The following ACTR3 variants were observed in gnomAD, a reference collection of about 807,000 sequenced individuals.
ACTR3 encodes the protein actin related protein 3.
In ACTR3, 12 loss-of-function variants were observed where a neutral mutation model predicts 56.8. The ratio of observed to expected loss-of-function variants is 0.21; its 90% CI spans 0.14 to 0.34. The LOEUF (loss-of-function observed/expected upper bound fraction) is 0.34, where lower values mean the gene tolerates loss of function less well. Among genes scored for constraint, ACTR3 ranks in the 10% least tolerant of loss-of-function variants. ACTR3 has a pLI of 1.00. For missense variants in ACTR3, 282 were observed against 512.5 expected, an observed-to-expected ratio of 0.55 and a Z score of 4.34; for synonymous variants, 162 against 167.4, an observed-to-expected ratio of 0.97 and a Z score of 0.25.
chr2:113,923,345 TGTTTG>T (rs766094551), intron 3 of ACTR3, among the ~76,000 whole-genome samples: 4 of 60,728 alleles, frequency 6.6e-5, no homozygotes, highest in African/African-American at 1.2e-4. Flanking sequence ...TTTGTTTGTT[TGTTTG>T]TTTTTGAGAC....
intron 6 of ACTR3, among the ~76,000 whole-genome samples, chr2:113,939,660 C>T (rs1679890009): frequency 6.6e-6 from 1 of 151,994 alleles, no homozygotes; most frequent in Non-Finnish European, 1.5e-5. Flanking sequence ...AAAATAGTAC[C>T]ATCTGATATA....
At position 113,962,043 on chromosome 2, in the gene ACTR3, A is replaced by T. The variant is rs1228426451; in HGVS notation, c.*4588A>T. 6.6e-6 allele frequency: 1 copy of T among 152,036 alleles called. No individual in the cohort carries two copies. Among genetic ancestry groups the T allele is most frequent in the Non-Finnish European group, 1.5e-5 (1 of 67,918 alleles). The allele number at this position is 152,036 out of a possible 1,614,324, so 9.4% of individuals were successfully genotyped here. On this transcript the variant is annotated 3_prime_UTR_variant, in exon 12 of 12. Transcript: ENST00000263238. ...AGTGGATGTGTTTGATGAATGAATG[A>T]GTAAAAATTATTTTTCATGTTAAAA...
intron 1 of ACTR3, among the ~76,000 whole-genome samples, chr2:113,907,395 G>A (rs892665866): frequency 6.6e-6 from 1 of 152,126 alleles, no homozygotes; most frequent in Non-Finnish European, 1.5e-5. Flanking sequence ...AGGACTACAG[G>A]TGTGAGCTGC....
chr2:113,931,387 T>C lies in ACTR3; in HGVS notation c.423T>C (p.Ile141=), dbSNP rs374819129. 3 of 1,581,264 alleles carry C rather than the reference T, an allele frequency of 1.9e-6. No individual in the cohort carries two copies. Among genetic ancestry groups the C allele is most frequent in the Non-Finnish European group, 2.6e-6 (3 of 1,165,008 alleles). The change falls in exon 5 of 12, where the codon ATT becomes ATC. Residue 141 remains isoleucine (I), a synonymous_variant. Transcript: ENST00000263238. Reference sequence around the variant, plus strand: ...CCTTCAATGTTCCAGGCTTGTACATTGCTGTGCAGGTAAGCAAGTTCATAC... The same window carrying C: ...CCTTCAATGTTCCAGGCTTGTACATCGCTGTGCAGGTAAGCAAGTTCATAC... ...FESFNVPGLY[I]AVQAVLALAA...
chr2:113,940,668 T>C (rs1027695234), intron 7 of ACTR3, among the ~76,000 whole-genome samples: 2 of 151,922 alleles, frequency 1.3e-5, no homozygotes, highest in African/African-American at 4.8e-5. Context: ...AACTTATTAT[T>C]TGCCACATAA....
intron 3 of ACTR3, among the ~76,000 whole-genome samples, chr2:113,925,925 C>T (rs934529564): frequency 6.6e-6 from 1 of 152,188 alleles, no homozygotes; most frequent in East Asian, 1.9e-4. Context: ...GGTTCACAAA[C>T]TTTCTCAGTG....
At position 113,942,292 on chromosome 2, in the gene ACTR3, A is replaced by G. The variant is rs1679937633; in HGVS notation, c.791A>G (p.Lys264Arg). The G allele has an allele frequency of 6.2e-7, 1 of 1,604,212 alleles. No individual in the cohort carries two copies. The highest frequency in any genetic ancestry group is 8.5e-7 in the Non-Finnish European group (1 of 1,176,100). ...TATACTGGAATCAATGCTATCTCAA[A>G]GAAAGAGTTTTCTATCGATGTTGGT... ...KQYTGINAIS[K>R]KEFSIDVGYE... Residue 264 changes from lysine to arginine, a missense_variant, in exon 8 of 12, where the codon AAG becomes AGG. Coordinates refer to ENST00000263238, the MANE Select transcript of ACTR3 (RefSeq NM_005721.5).
chr2:113,890,563 G>A, intron 1 of ACTR3: 1 of 1,370,448 alleles, frequency 7.3e-7, no homozygotes, highest in Non-Finnish European at 9.4e-7. Context: ...CCTCCCAGCG[G>A]CTTTCTCCGC....
chr2:113,914,999 G>T (rs767338884), intron 2 of ACTR3, among the ~76,000 whole-genome samples: 4 of 152,066 alleles, frequency 2.6e-5, no homozygotes, highest in Non-Finnish European at 4.4e-5. Flanking sequence ...TACGTTGATT[G>T]TTTTTTGTCT....
At chr2:113,938,464 G>A (rs1219013678) in intron 6 of ACTR3, among the ~76,000 whole-genome samples, 1 of 152,176 alleles carries the variant, frequency 6.6e-6, no homozygotes, top group Admixed American at 6.5e-5. Flanking sequence ...CCAGGAACTA[G>A]TTTGATCCTC....
chr2:113,938,694 C>A (rs1428256507), intron 6 of ACTR3, among the ~76,000 whole-genome samples: 2 of 152,168 alleles, frequency 1.3e-5, no homozygotes, highest in African/African-American at 4.8e-5. Flanking sequence ...GGTCCTTTCT[C>A]TCACCTTGAT....
intron 1 of ACTR3, chr2:113,904,554 A>T (rs189127702): frequency 6.6e-6 from 1 of 152,178 alleles, no homozygotes; most frequent in Non-Finnish European, 1.5e-5. Flanking sequence ...TCTGTTGTGA[A>T]CATACATGTA....
rs1680254698 is a variant in ACTR3, at chr2:113,958,014, G to C, written c.*559G>C. ...CCTCTCCACCCCTTCCCCCCAAAAG[G>C]TTTTCTTTGCAAGTGCTTTTGGAAC... On this transcript the variant is annotated 3_prime_UTR_variant, in exon 12 of 12. Transcript: ENST00000263238. The C allele has an allele frequency of 6.6e-6, 1 of 152,310 alleles. No homozygotes were observed. Among genetic ancestry groups the C allele is most frequent in the African/African-American group, 2.4e-5 (1 of 41,394 alleles). The allele number at this position is 152,310 out of a possible 1,614,324, so 9.4% of individuals were successfully genotyped here.
At chr2:113,955,372 C>T (rs1463576096) in intron 10 of ACTR3, 5 of 305,406 alleles carry the variant, frequency 1.6e-5, no homozygotes, top group Non-Finnish European at 3.0e-5. Flanking sequence ...TTCTTAAAGT[C>T]AGAACTGTAT....
rs35354751 is a variant in ACTR3, at chr2:113,923,732, CTT to C, written c.226-3600_226-3599del. Among the ~76,000 whole-genome samples the C allele has an allele frequency of 9.1e-4, 129 of 142,216 alleles. 1 individual carries two copies. The highest frequency in any genetic ancestry group is 5.8e-3 in the Admixed American group (83 of 14,292). 93.3% of individuals were successfully genotyped at this position (142,216 alleles called of 152,430 possible). On this transcript the variant is annotated intron_variant, in intron 3 of 11. Transcript: ENST00000263238. ...TCTCTAGGCACTGCTTTCAGTTCTC[CTT>C]TTTTTTTTTTTTCTCTTCTCATAAA...
chr2:113,925,644 A>C (rs934392400), intron 3 of ACTR3, among the ~76,000 whole-genome samples: 2 of 152,246 alleles, frequency 1.3e-5, no homozygotes, highest in African/African-American at 4.8e-5. Context: ...ATTGATGAAT[A>C]AATAATACTT....
chr2:113,916,461 T>C (rs1013322097), intron 2 of ACTR3, among the ~76,000 whole-genome samples: 2 of 152,174 alleles, frequency 1.3e-5, no homozygotes, highest in African/African-American at 4.8e-5. Flanking sequence ...CCAGTAGTGA[T>C]AGGGTAGAGA....
At chr2:113,915,848 C>T (rs1465047737) in intron 2 of ACTR3, among the ~76,000 whole-genome samples, 2 of 152,150 alleles carry the variant, frequency 1.3e-5, no homozygotes, top group Non-Finnish European at 2.9e-5. Context: ...TGTTTTTTCT[C>T]ACCCACCCAG....
At chr2:113,951,927 G>A in intron 10 of ACTR3, 82 bp downstream of exon 10, 3 of 1,548,778 alleles carry the variant, frequency 1.9e-6, no homozygotes, top group Non-Finnish European at 2.6e-6. Flanking sequence ...CATTCACTCT[G>A]ATTTAGAAAA....
Sources: gnomAD v4.1 joint callset for allele counts (sites outside exome capture counted in the v4.1 genomes callset) on GRCh38, gnomAD v4.1.1 for gene constraint, MANE v1.5 for transcripts, NCBI Gene and HGNC (gene_info 2026-07-23, HGNC 2026-07-21) for gene names.